Variants in BRINP1 observed in about 807,000 individuals in gnomAD.
BRINP1 encodes the protein BMP/retinoic acid inducible neural specific 1.
A neutral mutation model predicts 72.9 loss-of-function variants in BRINP1; 17 were observed. The observed-to-expected ratio is 0.23, with a 90% CI of 0.16 to 0.35. The LOEUF is 0.35. Among genes scored for constraint, BRINP1 ranks in the 10% least tolerant of loss-of-function variants. The pLI is 1.00. For missense variants in BRINP1, 850 were observed against 1,001.6 expected, an observed-to-expected ratio of 0.85 and a Z score of 2.04; for synonymous variants, 418 against 378.5, an observed-to-expected ratio of 1.10 and a Z score of -1.21.
intron 5 of BRINP1, among the ~76,000 whole-genome samples, chr9:119,219,646 T>TGAGAGAGA (rs57623423): frequency 1.4e-3 from 172 of 125,870 alleles, no homozygotes; most frequent in African/African-American, 3.6e-3. Context: ...TACTGTTTAC[T>TGAGAGAGA]GAGAGAGAGA....
chr9:119,211,504 T>C (rs993262768), intron 6 of BRINP1, among the ~76,000 whole-genome samples: 1 of 151,980 alleles, frequency 6.6e-6, no homozygotes, highest in Non-Finnish European at 1.5e-5. Flanking sequence ...GCCAACTTTC[T>C]TGAATAAAAG....
At chr9:119,235,023 C>T (rs951765224) in intron 5 of BRINP1, among the ~76,000 whole-genome samples, 1 of 152,122 alleles carries the variant, frequency 6.6e-6, no homozygotes, top group African/African-American at 2.4e-5. Context: ...ATAATGCCTC[C>T]TAAGTAACTC....
intron 2 of BRINP1, among the ~76,000 whole-genome samples, chr9:119,288,595 T>C (rs931098826): frequency 2.0e-5 from 3 of 152,118 alleles, no homozygotes; most frequent in African/African-American, 7.2e-5. Context: ...CTTTGCTAAA[T>C]CTTAAAAAAG....
intron 7 of BRINP1, among the ~76,000 whole-genome samples, chr9:119,183,923 G>T (rs1182077742): frequency 6.6e-6 from 1 of 152,098 alleles, no homozygotes; most frequent in Non-Finnish European, 1.5e-5. Context: ...TTGTTGGCAG[G>T]ACGTGGAGGG....
intron 5 of BRINP1, among the ~76,000 whole-genome samples, chr9:119,237,374 ATTT>A (rs1282492506): frequency 1.4e-5 from 2 of 144,278 alleles, no homozygotes; most frequent in Admixed American, 7.0e-5. Context: ...TATTATTATT[ATTT>A]TGAGGTGGAG....
chr9:119,313,233 G>A lies in BRINP1; in HGVS notation c.123C>T (p.Leu41=), dbSNP rs773191487. 4 of 1,614,156 alleles carry A rather than the reference G, an allele frequency of 2.5e-6. No individual in the cohort carries two copies. The highest frequency in any genetic ancestry group is 3.4e-6 in the Non-Finnish European group (4 of 1,180,040). The change falls in exon 2 of 8, where the codon CTC becomes CTT. Residue 41 remains leucine (L), a synonymous_variant. Coordinates refer to ENST00000265922, the MANE Select transcript of BRINP1 (RefSeq NM_014618.3). ...GGTGGAAAGGCCCCCTGTCTGAAAT[G>A]AGCCAATCAAATTCCTTGGAGACAT... is the stretch of plus-strand genomic sequence containing the variant. ...DQHVSKEFDW[L]ISDRGPFHHS...
chr9:119,178,539 T>C (rs1028882449), intron 7 of BRINP1, among the ~76,000 whole-genome samples: 2 of 152,220 alleles, frequency 1.3e-5, no homozygotes, highest in African/African-American at 4.8e-5. Context: ...GTAGTTATCA[T>C]GGATAGTCAT....
intron 1 of BRINP1, among the ~76,000 whole-genome samples, chr9:119,355,547 TA>T (rs1831553999): frequency 1.3e-5 from 2 of 151,970 alleles, no homozygotes; most frequent in Non-Finnish European, 2.9e-5. Flanking sequence ...GCTAACATGG[TA>T]AAACCCCATC....
intron 1 of BRINP1, among the ~76,000 whole-genome samples, chr9:119,330,680 A>G (rs971299894): frequency 7.2e-5 from 11 of 152,198 alleles, no homozygotes; most frequent in African/African-American, 1.2e-4. Context: ...CTGGCATGCA[A>G]TAAATGTGAT....
At chr9:119,281,935 C>T (rs926754008) in intron 2 of BRINP1, among the ~76,000 whole-genome samples, 1 of 152,090 alleles carries the variant, frequency 6.6e-6, no homozygotes, top group Non-Finnish European at 1.5e-5. Context: ...TGTTTTGTTC[C>T]TCTTGGCTAG....
Position 119,275,148 on chromosome 9 carries a change from T to C in BRINP1, c.219-25998A>G, listed in dbSNP as rs116307067. ...CATTGAGTTACTTGATTCCCAGTGG[T>C]TGGAGTTCATAATGCATATCTAAAA... On this transcript the variant is annotated intron_variant, in intron 2 of 7. Transcript: ENST00000265922. Among the ~76,000 whole-genome samples, 796 of 152,240 alleles carry C rather than the reference T, an allele frequency of 5.2e-3. 6 individuals are homozygous for C. Among genetic ancestry groups the C allele is most frequent in the African/African-American group, 0.018 (755 of 41,544 alleles).
chr9:119,257,911 C>A (rs1564230864), intron 2 of BRINP1, among the ~76,000 whole-genome samples: 1 of 152,022 alleles, frequency 6.6e-6, no homozygotes, highest in East Asian at 1.9e-4. Context: ...ACTGGCAAGG[C>A]AGCTGAGAAA....
chr9:119,168,387 A>G (rs1470880986), intron 7 of BRINP1, among the ~76,000 whole-genome samples, 163 bp from the exon 8 acceptor site: 1 of 152,234 alleles, frequency 6.6e-6, no homozygotes, highest in Non-Finnish European at 1.5e-5. Context: ...TAAGAACTAC[A>G]TTGTAGCTCC....
intron 7 of BRINP1, among the ~76,000 whole-genome samples, chr9:119,176,099 G>T (rs1829485696): frequency 6.6e-6 from 1 of 152,190 alleles, no homozygotes; most frequent in Non-Finnish European, 1.5e-5. Context: ...AAAAGCGGTT[G>T]TTATTCCTGC....
At chr9:119,171,093 C>T (rs1230559571) in intron 7 of BRINP1, among the ~76,000 whole-genome samples, 2 of 150,568 alleles carry the variant, frequency 1.3e-5, no homozygotes, top group Admixed American at 1.3e-4. Context: ...AAATAACCAG[C>T]TAACATCATA....
At chr9:119,173,019 G>T (rs7032276) in intron 7 of BRINP1, among the ~76,000 whole-genome samples, 1 of 145,696 alleles carries the variant, frequency 6.9e-6, no homozygotes. Context: ...ACCCACAGCC[G>T]ATATCATACT....
intron 6 of BRINP1, among the ~76,000 whole-genome samples, chr9:119,209,501 G>C (rs573960531): frequency 3.4e-4 from 51 of 152,046 alleles, no homozygotes; most frequent in African/African-American, 1.2e-3. Flanking sequence ...CCGGGAGGCA[G>C]AGGTCAAGTG....
intron 2 of BRINP1, among the ~76,000 whole-genome samples, chr9:119,274,296 G>A (rs529022071): frequency 2.4e-4 from 37 of 152,336 alleles, no homozygotes; most frequent in African/African-American, 8.9e-4. Flanking sequence ...TCCCTTTGCT[G>A]GCCTTAAGTG....
chr9:119,193,454 T>C (rs1222938425), intron 7 of BRINP1, among the ~76,000 whole-genome samples: 1 of 151,924 alleles, frequency 6.6e-6, no homozygotes, highest in African/African-American at 2.4e-5. Flanking sequence ...AATGGAGAAA[T>C]GTAGGTCAAA....
Sources: gnomAD v4.1 joint callset for allele counts (sites outside exome capture counted in the v4.1 genomes callset) on GRCh38, gnomAD v4.1.1 for gene constraint, MANE v1.5 for transcripts, NCBI Gene and HGNC (gene_info 2026-07-23, HGNC 2026-07-21) for gene names.